Variants in VIL1 observed in about 807,000 individuals in gnomAD.
The protein encoded by VIL1 is villin-1.
VIL1 carries 86 observed loss-of-function variants against 104.0 expected under a neutral mutation model. That is an observed-to-expected ratio of 0.83 (90% confidence interval 0.69 to 0.99). The LOEUF (loss-of-function observed/expected upper bound fraction) is 0.99. Among genes scored for constraint, VIL1 ranks in the 50% least tolerant of loss-of-function variants. VIL1 has a pLI of 0.00. For synonymous variants in VIL1, 394 were observed against 412.6 expected (o/e 0.95, Z 0.55); for missense variants, 944 against 1,054.1 (o/e 0.90, Z 1.45).
chr2:218,431,884 C>T lies in VIL1; in HGVS notation c.1130C>T (p.Ala377Val). ...AAAGTGGAACAGGTGAAGTTCGATGCCACATCCATGCATGTCAAGCCTCAG... is the reference window on the plus strand; with the variant it reads ...AAAGTGGAACAGGTGAAGTTCGATGTCACATCCATGCATGTCAAGCCTCAG... ...VAKVEQVKFDATSMHVKPQVA... is the reference protein window; with the variant it reads ...VAKVEQVKFDVTSMHVKPQVA... Residue 377 changes from alanine to valine, a missense_variant, in exon 11 of 20, where the codon GCC becomes GTC. By Grantham distance (64) the Ala-to-Val change is moderately conservative. Coordinates refer to ENST00000248444, the MANE Select transcript of VIL1 (RefSeq NM_007127.3). 6.2e-7 allele frequency: 1 copy of T among 1,613,824 alleles called. No homozygotes were observed. The highest frequency in any genetic ancestry group is 1.3e-5 in the African/African-American group (1 of 74,962).
At chr2:218,432,556 G>A in intron 12 of VIL1, 1 of 730,062 alleles carries the variant, frequency 1.4e-6, no homozygotes, top group Non-Finnish European at 2.4e-6. Flanking sequence ...TAAGGCTGGG[G>A]TTGCAGGTAG....
intron 8 of VIL1, 73 bp from the exon 9 acceptor site, chr2:218,429,776 A>C (rs1307595694): frequency 6.3e-6 from 10 of 1,590,628 alleles, no homozygotes; most frequent in Non-Finnish European, 8.6e-6. Context: ...GGAGGGAGAG[A>C]CTTTTTTGTG....
rs184994352 is a variant in VIL1, at chr2:218,424,177, G to T, written c.76-100G>T. 10 of 1,032,954 alleles carry T rather than the reference G, an allele frequency of 9.7e-6. No individual in the cohort carries two copies. In the Admixed American group the frequency reaches 1.4e-4, roughly 15 times the overall value. The allele number at this position is 1,032,954 out of a possible 1,614,324, so 64.0% of individuals were successfully genotyped here. On this transcript the variant is annotated intron_variant, in intron 2 of 19. Transcript: ENST00000248444. ...TTTCTCTCCTTTCATTCCTGGGCCC[G>T]GCTCTTTGTCTCCGACGCCTCCTCC...
At position 218,425,811 on chromosome 2, in the gene VIL1, T is replaced by G; in HGVS notation, c.347T>G (p.Val116Gly). 1 of 1,603,240 alleles carries G rather than the reference T, an allele frequency of 6.2e-7. No homozygotes were observed. The highest frequency in any genetic ancestry group is 8.5e-7 in the Non-Finnish European group (1 of 1,173,642). Residue 116 changes from valine (V) to glycine (G), a missense_variant and splice_region_variant, in exon 4 of 20, where the codon GTG becomes GGG. Physicochemically the swap from Val to Gly is moderately radical, Grantham distance 109. Coordinates refer to ENST00000248444, the MANE Select transcript of VIL1 (RefSeq NM_007127.3). ...AFRGYFKQGL[V>G]IRKGGVASGM... ...CGAGGCTACTTCAAGCAAGGCCTTG[T>G]GTAGGGAGGGTGGGCTGCAGGCCGG... is the stretch of plus-strand genomic sequence containing the variant.
rs1299783546 is a variant in VIL1, at chr2:218,432,076, C to T, written c.1234C>T (p.Pro412Ser). The T allele has an allele frequency of 2.5e-6, 4 of 1,614,120 alleles. No individual in the cohort carries two copies. The highest frequency in any genetic ancestry group is 3.4e-6 in the Non-Finnish European group (4 of 1,180,008). Residue 412 changes from proline to serine, a missense_variant, in exon 12 of 20, where the codon CCT becomes TCT. Pro to Ser is a moderately conservative substitution (Grantham distance 74, BLOSUM62 -1). Transcript: ENST00000248444. ...VWRIENLELV[P>S]VDSKWLGHFY... ...GCGCATTGAGAACCTAGAGCTGGTA[C>T]CTGTGGATTCCAAGTGGCTAGGCCA...
At chr2:218,448,170 G>A (rs1689396664) in intron 19 of VIL1, among the ~76,000 whole-genome samples, 1 of 151,948 alleles carries the variant, frequency 6.6e-6, no homozygotes, top group South Asian at 2.1e-4. Context: ...TGAGGTGGGA[G>A]GATTGCTTGA....
At chr2:218,427,872 C>T (rs34906275) in intron 4 of VIL1, 93 bp from the exon 5 acceptor site, 46,809 of 1,221,990 alleles carry the variant, frequency 0.038, 1,203 homozygotes, top group East Asian at 0.13. Flanking sequence ...CTGGCCCTCA[C>T]GTGACCCCAG....
At chr2:218,443,615 A>G (rs541976366) in intron 19 of VIL1, among the ~76,000 whole-genome samples, 1 of 152,246 alleles carries the variant, frequency 6.6e-6, no homozygotes, top group South Asian at 2.1e-4. Flanking sequence ...TTATGGTAGA[A>G]GCAGTCAAAG....
intron 13 of VIL1, among the ~76,000 whole-genome samples, chr2:218,433,892 C>T (rs563091758): frequency 2.0e-5 from 3 of 146,966 alleles, no homozygotes; most frequent in African/African-American, 5.0e-5. Context: ...AGCGAGACTC[C>T]GTCTCAAGGA....
In VIL1 at chr2:218,451,307, T is replaced by C. The variant is rs1428041304; in HGVS notation, c.*1971T>C. 1 of 152,138 alleles carries C rather than the reference T, an allele frequency of 6.6e-6. No individual in the cohort carries two copies. The highest frequency in any genetic ancestry group is 1.5e-5 in the Non-Finnish European group (1 of 68,022). The allele number at this position is 152,138 out of a possible 1,614,324, so 9.4% of individuals were successfully genotyped here. A position where few individuals can be genotyped will look rare whatever the true frequency, so the allele number is the denominator to read the frequency against. Reference sequence around the variant, plus strand: ...TGTTGATTTTTCTAAAAATCTCCTATATATACAAAATCCATATGTACTTGG... The same window carrying C: ...TGTTGATTTTTCTAAAAATCTCCTACATATACAAAATCCATATGTACTTGG... On this transcript the variant is annotated 3_prime_UTR_variant, in exon 20 of 20. Coordinates refer to ENST00000248444, the MANE Select transcript of VIL1 (RefSeq NM_007127.3).
At chr2:218,439,174 A>G (rs1278704778) in intron 18 of VIL1, among the ~76,000 whole-genome samples, 6 of 151,650 alleles carry the variant, frequency 4.0e-5, no homozygotes, top group Admixed American at 3.9e-4. Context: ...CAAGTGATCC[A>G]CCAGCCTCGG....
chr2:218,440,607 G>T, intron 18 of VIL1, 115 bp from the exon 19 acceptor site: 2 of 1,265,630 alleles, frequency 1.6e-6, no homozygotes, highest in Non-Finnish European at 2.2e-6. Flanking sequence ...GCAGGGTGGG[G>T]TGGGACATGG....
Position 218,436,363 on chromosome 2 carries a change from G to A in VIL1, c.1827-119G>A, listed in dbSNP as rs1263168356. ...GGACCCTTTTATCAATCAGAAGATA[G>A]AGCATTTTGCTGGAGATGACCTTTC... On this transcript the variant is annotated intron_variant, in intron 15 of 19. Coordinates refer to ENST00000248444, the MANE Select transcript of VIL1 (RefSeq NM_007127.3). The A allele has an allele frequency of 5.3e-5, 70 of 1,327,664 alleles. 1 individual carries two copies. The highest frequency in any genetic ancestry group is 1.0e-6 in the Non-Finnish European group (1 of 970,636). The allele number at this position is 1,327,664 out of a possible 1,614,324, so 82.2% of individuals were successfully genotyped here.
intron 18 of VIL1, 89 bp from the exon 19 acceptor site, chr2:218,440,633 T>TG (rs1337579819): frequency 6.5e-7 from 1 of 1,534,864 alleles, no homozygotes; most frequent in African/African-American, 1.4e-5. Flanking sequence ...TTCTTGAAGG[T>TG]GGTGCCCTAG....
intron 14 of VIL1, 36 bp from the exon 15 acceptor site, chr2:218,435,253 T>C: frequency 6.2e-7 from 1 of 1,603,154 alleles, no homozygotes; most frequent in Non-Finnish European, 8.5e-7. Flanking sequence ...GAGGTAGGGG[T>C]GGCACTAGAA....
At position 218,450,445 on chromosome 2, in the gene VIL1, T is replaced by G. The variant is rs927581869; in HGVS notation, c.*1109T>G. On this transcript the variant is annotated 3_prime_UTR_variant, in exon 20 of 20. Transcript: ENST00000248444. Reference sequence around the variant, plus strand: ...CTCTGAACATAAAGAAAAAAAATCATCTCACAAATAATGTGGCCACAGCTG... The same window carrying G: ...CTCTGAACATAAAGAAAAAAAATCAGCTCACAAATAATGTGGCCACAGCTG... 1 of 152,602 alleles carries G rather than the reference T, an allele frequency of 6.6e-6. No individual in the cohort carries two copies. The highest frequency in any genetic ancestry group is 6.6e-5 in the Admixed American group (1 of 15,266). The allele number at this position is 152,602 out of a possible 1,614,324, so 9.5% of individuals were successfully genotyped here.
At chr2:218,423,713 G>A (rs1688931288) in intron 1 of VIL1, 55 bp from the exon 2 acceptor site, 4 of 1,577,934 alleles carry the variant, frequency 2.5e-6, no homozygotes, top group African/African-American at 2.7e-5. Context: ...GGGGCAGGCT[G>A]GAAGGGCAGC....
rs1293734132 is a variant in VIL1 at position 218,429,316 on chromosome 2, A to AG, written c.601dup (p.Glu201GlyfsTer16). The AG allele has an allele frequency of 6.2e-7, 1 of 1,613,878 alleles. No homozygotes were observed. Among genetic ancestry groups the AG allele is most frequent in the Non-Finnish European group, 8.5e-7 (1 of 1,179,948 alleles). On this transcript the variant is annotated frameshift_variant, in exon 7 of 20. Coordinates refer to ENST00000248444, the MANE Select transcript of VIL1 (RefSeq NM_007127.3). LOFTEE classifies it high-confidence loss of function. The stretch of plus-strand genomic sequence containing the variant: ...ACTCTGGCCAAGGAGATCCGAGACC[A>AG]GGAGCGGGGAGGGCGCACCTATGTA...
At chr2:218,432,286 A>G (rs1689113790) in intron 12 of VIL1, 103 bp downstream of exon 12, 3 of 1,499,880 alleles carry the variant, frequency 2.0e-6, no homozygotes, top group Non-Finnish European at 2.7e-6. Context: ...ACCTCTGGGG[A>G]TGGGGTGCTC....
Sources: allele counts gnomAD v4.1 joint callset (sites outside exome capture counted in the v4.1 genomes callset), GRCh38; gene constraint gnomAD v4.1.1; transcripts MANE v1.5; gene names NCBI Gene and HGNC (gene_info 2026-07-23, HGNC 2026-07-21).